Variants in DLGAP1 observed in about 807,000 individuals in gnomAD.
DLGAP1 encodes the protein DLG associated protein 1.
DLGAP1 carries 11 observed loss-of-function variants against 90.8 expected under a neutral mutation model. The observed-to-expected ratio is 0.12, with a 90% confidence interval of 0.08 to 0.20. The LOEUF is 0.20. Ranked by LOEUF, DLGAP1 falls within the 10% of genes least tolerant of loss-of-function variation. The pLI is 1.00. For missense variants in DLGAP1, 1,050 were observed against 1,333.8 expected, an observed-to-expected ratio of 0.79 and a Z score of 3.31; for synonymous variants, 558 against 540.7, an observed-to-expected ratio of 1.03 and a Z score of -0.44.
intron 7 of DLGAP1, among the ~76,000 whole-genome samples, chr18:3,652,483 A>G (rs1409390440): frequency 1.3e-5 from 2 of 149,310 alleles, no homozygotes; most frequent in Admixed American, 1.3e-4. Context: ...GTATGCCACC[A>G]CAACCAGCTA....
At chr18:4,345,229 T>C (rs151083070) in intron 1 of DLGAP1, among the ~76,000 whole-genome samples, 59 of 151,756 alleles carry the variant, frequency 3.9e-4, no homozygotes, top group African/African-American at 1.4e-3. Flanking sequence ...TTTTTTAATC[T>C]CTCCCAAGGA....
In DLGAP1 at chr18:4,008,861, G is replaced by A. The variant is rs377328016; in HGVS notation, c.-158-3660C>T. Among the ~76,000 whole-genome samples, 41 of 152,324 alleles carry A rather than the reference G, an allele frequency of 2.7e-4. 2 individuals are homozygous for A. In the South Asian group the frequency reaches 3.9e-3, roughly 15 times the overall value. On this transcript the variant is annotated intron_variant, in intron 2 of 12. Coordinates refer to ENST00000315677, the MANE Select transcript of DLGAP1 (RefSeq NM_004746.4). ...AAGAAGAAGAAATGCTGCTGCTGAT[G>A]AAGCCTTGCTACAGGACGTGGGAAG...
intron 9 of DLGAP1, among the ~76,000 whole-genome samples, chr18:3,547,920 G>C (rs1222163697): frequency 6.6e-6 from 1 of 152,056 alleles, no homozygotes; most frequent in Non-Finnish European, 1.5e-5. Flanking sequence ...TCATAAAAAG[G>C]AATTAAGTAC....
intron 1 of DLGAP1, among the ~76,000 whole-genome samples, chr18:4,347,555 T>C (rs1040014630): frequency 6.6e-6 from 1 of 152,100 alleles, no homozygotes; most frequent in Non-Finnish European, 1.5e-5. Flanking sequence ...CTAGGAAATC[T>C]ATTATGATCA....
chr18:3,869,168 T>C (rs547711151), intron 4 of DLGAP1, among the ~76,000 whole-genome samples: 69 of 151,170 alleles, frequency 4.6e-4, no homozygotes, highest in African/African-American at 1.2e-3. Context: ...TTTTTTTTTT[T>C]CCCTGTATGA....
chr18:3,675,435 A>G (rs543409240), intron 7 of DLGAP1, among the ~76,000 whole-genome samples: 2 of 152,310 alleles, frequency 1.3e-5, no homozygotes, highest in South Asian at 4.1e-4. Context: ...TAAATATGAG[A>G]AAACTGACAC....
rs1213069558 is a variant in DLGAP1, at chr18:3,601,013, GAT to G, written c.1592-18767_1592-18766del. Among the ~76,000 whole-genome samples the G allele has an allele frequency of 5.4e-4, 71 of 132,136 alleles. 2 individuals carry two copies. Among genetic ancestry groups the G allele is most frequent in the Middle Eastern group, 4.1e-3 (1 of 242 alleles). 86.7% of individuals were successfully genotyped at this position (132,136 alleles called of 152,430 possible). On this transcript the variant is annotated intron_variant, in intron 7 of 12. Transcript: ENST00000315677. Reference sequence around the variant, plus strand: ...ATATATAGATATATAGATATAGATAGATATATAGATATATAGATATAGAGATA... The same window carrying G: ...ATATATAGATATATAGATATAGATAGATATAGATATATAGATATAGAGATA...
chr18:4,009,597 T>A (rs2074377339), intron 2 of DLGAP1, among the ~76,000 whole-genome samples: 1 of 152,240 alleles, frequency 6.6e-6, no homozygotes, highest in Non-Finnish European at 1.5e-5. Context: ...TGTCATAACA[T>A]GCCCATGGCA....
chr18:3,893,272 C>A (rs1599120586), intron 3 of DLGAP1, among the ~76,000 whole-genome samples: 1 of 151,988 alleles, frequency 6.6e-6, no homozygotes, highest in Admixed American at 6.6e-5. Flanking sequence ...TGTATATATA[C>A]CACATTTAAA....
chr18:3,499,284 C>G lies in DLGAP1; in HGVS notation c.2835G>C (p.Leu945=), dbSNP rs184328312. The part of the protein sequence containing the change: ...SSQRQEARKR[L]MAAKRAASVR... ...CGGACGCGGCGCGCTTGGCGGCCAT[C>G]AGGCGCTTGCGGGCCTCCTGGCGCT... The change falls in exon 13 of 13, where the codon CTG becomes CTC. Residue 945 remains leucine (L), a synonymous_variant. Transcript: ENST00000315677. This position sits in a 1 kb window ranked among gnomAD's most constrained non-coding sequence, Gnocchi z 6.4. 4 of 1,595,036 alleles carry G rather than the reference C, an allele frequency of 2.5e-6. No homozygotes were observed. In the East Asian group the frequency reaches 9.1e-5, roughly 36 times the overall value.
chr18:3,789,143 G>A (rs887387633), intron 5 of DLGAP1, among the ~76,000 whole-genome samples: 2 of 152,236 alleles, frequency 1.3e-5, no homozygotes, highest in Non-Finnish European at 2.9e-5. Context: ...GCAGGGGAGA[G>A]ACACATGTAG....
chr18:4,184,039 G>T (rs928731922), intron 1 of DLGAP1, among the ~76,000 whole-genome samples: 4 of 152,086 alleles, frequency 2.6e-5, no homozygotes, highest in Non-Finnish European at 5.9e-5. Flanking sequence ...GCCAGTTTAC[G>T]CAAAGCAAAT....
intron 3 of DLGAP1, among the ~76,000 whole-genome samples, chr18:3,989,934 T>C (rs2073926889): frequency 1.3e-5 from 2 of 152,128 alleles, no homozygotes; most frequent in South Asian, 2.1e-4. Flanking sequence ...CACAATGAGA[T>C]ACCATCTCAC....
chr18:3,926,974 C>T (rs1220690328), intron 3 of DLGAP1, among the ~76,000 whole-genome samples: 1 of 152,062 alleles, frequency 6.6e-6, no homozygotes, highest in Non-Finnish European at 1.5e-5. Context: ...CTTGAAGGTG[C>T]TCCCTGTCAC....
rs372912969 is a variant in DLGAP1 at position 4,233,555 on chromosome 18, G to A, written c.-266-82268C>T. On this transcript the variant is annotated intron_variant, in intron 1 of 12. Coordinates refer to ENST00000315677, the MANE Select transcript of DLGAP1 (RefSeq NM_004746.4). ...TTATTGTTAACCTCGGCCTGGTTAC[G>A]ATGTTGTATGCTGGCTCTCTCTACT... is the stretch of plus-strand genomic sequence containing the variant. Among the ~76,000 whole-genome samples, 17 of 152,194 alleles carry A rather than the reference G, an allele frequency of 1.1e-4. No homozygotes were observed. The South Asian group carries it at 2.5e-3, about 22-fold the overall frequency.
At chr18:4,002,046 A>G (rs1306587797) in intron 3 of DLGAP1, among the ~76,000 whole-genome samples, 1 of 138,812 alleles carries the variant, frequency 7.2e-6, no homozygotes, top group Non-Finnish European at 1.6e-5. Flanking sequence ...TATTTGGTTT[A>G]TAGGGATGTG....
intron 7 of DLGAP1, among the ~76,000 whole-genome samples, chr18:3,688,353 G>A (rs2060773752): frequency 6.6e-6 from 1 of 152,064 alleles, no homozygotes; most frequent in South Asian, 2.1e-4. Flanking sequence ...GAGATACAAA[G>A]TAGAAATCCA....
intron 7 of DLGAP1, among the ~76,000 whole-genome samples, chr18:3,636,024 G>A (rs1165924759): frequency 2.0e-5 from 3 of 151,642 alleles, no homozygotes; most frequent in African/African-American, 7.3e-5. Context: ...AGGGGATTTT[G>A]ACAGTTGGGC....
chr18:3,605,520 A>C (rs1305055620), intron 7 of DLGAP1, among the ~76,000 whole-genome samples: 1 of 152,234 alleles, frequency 6.6e-6, no homozygotes, highest in Non-Finnish European at 1.5e-5. Flanking sequence ...AAAGTATCTT[A>C]TCTCTAGTTC....
Sources: allele counts gnomAD v4.1 joint callset (sites outside exome capture counted in the v4.1 genomes callset), GRCh38; gene constraint gnomAD v4.1.1; non-coding constraint Gnocchi (gnomAD v3.1); transcripts MANE v1.5; gene names NCBI Gene and HGNC (gene_info 2026-07-23, HGNC 2026-07-21).